The following RAD50 variants were observed in gnomAD, a reference collection of about 807,000 sequenced individuals.
RAD50 encodes the protein RAD50 double strand break repair protein.
A neutral mutation model predicts 168.8 loss-of-function variants in RAD50; 132 were observed. The observed-to-expected ratio is 0.78, with a 90% CI of 0.68 to 0.90. RAD50 has a LOEUF of 0.90. Ranked by LOEUF, RAD50 falls within the 40% of genes least tolerant of loss-of-function variation. The probability of loss-of-function intolerance (pLI) is 0.00; values close to 1 mark genes in which losing one functional copy is unlikely to be tolerated. For synonymous variants in RAD50, 525 were observed against 497.4 expected (o/e 1.06, Z -0.74); for missense variants, 1,347 against 1,534.4 (o/e 0.88, Z 2.04).
intron 5 of RAD50, among the ~76,000 whole-genome samples, chr5:132,580,752 G>A (rs2149838247): frequency 6.6e-6 from 1 of 152,066 alleles, no homozygotes; most frequent in East Asian, 1.9e-4. Context: ...TTGTACCAGG[G>A]TATACTGTGC....
At chr5:132,619,800 C>T (rs1751243305) in intron 21 of RAD50, among the ~76,000 whole-genome samples, 2 of 144,370 alleles carry the variant, frequency 1.4e-5, no homozygotes, top group Admixed American at 1.4e-4. Flanking sequence ...CTCTCTCTCT[C>T]TCTCTCTCTC....
intron 3 of RAD50, 30 bp downstream of exon 3, chr5:132,575,958 G>A (rs1561634481): frequency 6.4e-7 from 1 of 1,568,276 alleles, no homozygotes; most frequent in Non-Finnish European, 8.7e-7. Context: ...TTGAATTTCT[G>A]TTCATTTTCA....
intron 13 of RAD50, among the ~76,000 whole-genome samples, chr5:132,598,231 A>G (rs1384240870): frequency 6.6e-6 from 1 of 151,468 alleles, no homozygotes; most frequent in Non-Finnish European, 1.5e-5. Context: ...TTGTATTTTT[A>G]GTAGAGAGAG....
In RAD50 at chr5:132,595,663, T is replaced by C. The variant is rs1362163957; in HGVS notation, c.2060T>C (p.Val687Ala). 1 of 1,613,204 alleles carries C rather than the reference T, an allele frequency of 6.2e-7. No homozygotes were observed. Among genetic ancestry groups the C allele is most frequent in the Admixed American group, 1.7e-5 (1 of 59,920 alleles). ...TCATGTTGCCCCGTTTGTCAGAGAG[T>C]TTTTCAGACAGAGGCTGAGTTACAA... ...NQSCCPVCQR[V>A]FQTEAELQEV... Residue 687 changes from valine (V) to alanine (A), a missense_variant, in exon 13 of 25, where the codon GTT (valine) becomes GCT (alanine). Physicochemically the swap from Val to Ala is moderately conservative, Grantham distance 64. Coordinates refer to ENST00000378823, the MANE Select transcript of RAD50 (RefSeq NM_005732.4).
chr5:132,578,092 C>A (rs948731056), intron 3 of RAD50, among the ~76,000 whole-genome samples: 1 of 152,068 alleles, frequency 6.6e-6, no homozygotes. Flanking sequence ...GGATTACAGG[C>A]GTGAGCCACC....
intron 5 of RAD50, among the ~76,000 whole-genome samples, chr5:132,581,205 A>G (rs1042905374): frequency 6.6e-6 from 1 of 151,952 alleles, no homozygotes; most frequent in Non-Finnish European, 1.5e-5. Flanking sequence ...GGTTCAAGCA[A>G]TTCTCCCACT....
intron 2 of RAD50, among the ~76,000 whole-genome samples, chr5:132,572,150 A>T (rs917477893): frequency 2.2e-4 from 33 of 152,226 alleles, no homozygotes; most frequent in Admixed American, 2.1e-3. Flanking sequence ...ATCAATAGAT[A>T]CAGAAAAAGC....
chr5:132,619,889 G>GATATATATAT (rs1281581940), intron 21 of RAD50, among the ~76,000 whole-genome samples: 264 of 131,990 alleles, frequency 2.0e-3, no homozygotes, highest in African/African-American at 7.3e-3. Context: ...TATATATAGA[G>GATATATATAT]AGAGAGAGAG....
At chr5:132,623,161 A>G (rs532436542) in intron 21 of RAD50, among the ~76,000 whole-genome samples, 1 of 152,216 alleles carries the variant, frequency 6.6e-6, no homozygotes, top group Non-Finnish European at 1.5e-5. Context: ...ATAAGAACCA[A>G]TCCCTAGGTT....
chr5:132,628,176 C>T (rs1751400694), intron 21 of RAD50, among the ~76,000 whole-genome samples: 2 of 152,048 alleles, frequency 1.3e-5, no homozygotes, highest in African/African-American at 4.8e-5. Context: ...TATATAACCT[C>T]GAGCCTAGAG....
At chr5:132,610,428 A>G (rs900602134) in intron 19 of RAD50, among the ~76,000 whole-genome samples, 16 of 152,196 alleles carry the variant, frequency 1.1e-4, no homozygotes, top group African/African-American at 3.1e-4. Context: ...TAATTTCTAT[A>G]GTATAATCAA....
rs1554098420 is a variant in RAD50 at position 132,591,351 on chromosome 5, A to G, written c.1580A>G (p.Gln527Arg). Residue 527 changes from glutamine to arginine, a missense_variant, in exon 10 of 25, where the codon CAG (glutamine) becomes CGG (arginine). Around this residue, in one of 3 missense-constraint regions of RAD50, gnomAD observed 703 missense variants for 767.7 expected, o/e 0.92. Transcript: ENST00000378823. The part of the protein sequence containing the change: ...TLRKLDQEME[Q>R]LNHHTTTRTQ... ...CGTAAACTTGACCAGGAGATGGAGC[A>G]GTTAAACCATCATACAACAACACGT... 1.2e-6 allele frequency: 2 copies of G among 1,614,052 alleles called. No individual in the cohort carries two copies.
intron 23 of RAD50, 148 bp downstream of exon 23, chr5:132,638,371 T>G (rs7737470): frequency 2.2e-6 from 2 of 912,562 alleles, no homozygotes; most frequent in Admixed American, 2.0e-5. Flanking sequence ...TCAGCTACTA[T>G]TATTACACTC....
At chr5:132,632,454 G>A (rs1215299905) in intron 21 of RAD50, among the ~76,000 whole-genome samples, 5 of 152,068 alleles carry the variant, frequency 3.3e-5, no homozygotes, top group Admixed American at 6.6e-5. Context: ...TTCTTTGTAA[G>A]CATTATCACA....
At chr5:132,639,130 G>T (rs1378534669) in intron 23 of RAD50, among the ~76,000 whole-genome samples, 1 of 152,122 alleles carries the variant, frequency 6.6e-6, no homozygotes, top group East Asian at 1.9e-4. Flanking sequence ...GCCGAGGCGG[G>T]CAGATCACCT....
chr5:132,613,020 A>G (rs1751113343), intron 19 of RAD50, among the ~76,000 whole-genome samples: 1 of 151,670 alleles, frequency 6.6e-6, no homozygotes, highest in Non-Finnish European at 1.5e-5. Flanking sequence ...AAGTGGTGTT[A>G]TTCCCAGCTA....
At chr5:132,606,217 G>C (rs187439859) in intron 16 of RAD50, among the ~76,000 whole-genome samples, 1 of 151,944 alleles carries the variant, frequency 6.6e-6, no homozygotes, top group Non-Finnish European at 1.5e-5. Flanking sequence ...CAACAAAATA[G>C]ACCACTAGCA....
chr5:132,564,402 C>T lies in RAD50; in HGVS notation c.213+5035C>T, dbSNP rs541581318. Among the ~76,000 whole-genome samples the T allele has an allele frequency of 5.9e-5, 9 of 152,306 alleles. No homozygotes were observed. In the South Asian group the frequency reaches 1.9e-3, roughly 32 times the overall value. ...TAGCAAAGAGACTGGCAGCATTGTG[C>T]CCCTGCTCTAGGAATCTGTGGAACT... is the stretch of plus-strand genomic sequence containing the variant. On this transcript the variant is annotated intron_variant, in intron 2 of 24. Coordinates refer to ENST00000378823, the MANE Select transcript of RAD50 (RefSeq NM_005732.4).
chr5:132,569,785 T>G (rs1334174610), intron 2 of RAD50, among the ~76,000 whole-genome samples: 1 of 152,206 alleles, frequency 6.6e-6, no homozygotes, highest in Non-Finnish European at 1.5e-5. Flanking sequence ...GATAATGTAT[T>G]CTGTGACTAC....
Sources: gnomAD v4.1 joint callset for allele counts (sites outside exome capture counted in the v4.1 genomes callset) on GRCh38, gnomAD v4.1.1 for gene constraint, gnomAD v4.1.1 regional missense constraint, MANE v1.5 for transcripts, NCBI Gene and HGNC (gene_info 2026-07-23, HGNC 2026-07-21) for gene names.